RBFOX1: variants seen among roughly 807,000 people sequenced by gnomAD.
RBFOX1 encodes RNA binding protein fox-1 homolog 1.
RBFOX1 carries 8 observed loss-of-function variants against 57.7 expected under a neutral mutation model. The observed-to-expected ratio is 0.14, with a 90% CI of 0.08 to 0.25. The LOEUF (loss-of-function observed/expected upper bound fraction) is 0.25. Ranked by LOEUF, RBFOX1 falls within the 10% of genes least tolerant of loss-of-function variation. The probability of loss-of-function intolerance (pLI) is 1.00; values close to 1 mark genes in which losing one functional copy is unlikely to be tolerated. For synonymous variants in RBFOX1, 326 were observed against 222.4 expected (o/e 1.47, Z -4.15); for missense variants, 611 against 548.5 (o/e 1.11, Z -1.14).
At chr16:5,766,812 C>T (rs1567513815) in intron 3 of RBFOX1, among the ~76,000 whole-genome samples, 1 of 152,122 alleles carries the variant, frequency 6.6e-6, no homozygotes. Flanking sequence ...CCCTCAAGGC[C>T]CTCTGCTCTC....
chr16:6,898,342 A>C (rs2067491934), intron 3 of RBFOX1, among the ~76,000 whole-genome samples: 1 of 152,078 alleles, frequency 6.6e-6, no homozygotes. Context: ...GAGGGGGGTG[A>C]GGAGAGCAGT....
intron 2 of RBFOX1, among the ~76,000 whole-genome samples, chr16:6,499,498 A>T (rs1048164591): frequency 6.6e-6 from 1 of 152,204 alleles, no homozygotes; most frequent in African/African-American, 2.4e-5. Flanking sequence ...TGTAATAAGC[A>T]CAAGTAAAGC....
At chr16:5,240,761 C>G (rs139111331) in intron 1 of RBFOX1, among the ~76,000 whole-genome samples, 3,956 of 152,274 alleles carry the variant, frequency 0.026, 172 homozygotes, top group African/African-American at 0.091. Flanking sequence ...GTCCTGCACA[C>G]GTGGGCCCCT....
intron 3 of RBFOX1, among the ~76,000 whole-genome samples, chr16:6,810,236 T>C (rs1339229648): frequency 6.6e-6 from 1 of 152,146 alleles, no homozygotes; most frequent in African/African-American, 2.4e-5. Context: ...TCCCTCTTTT[T>C]CTTGGAGAAA....
chr16:6,754,196 C>T (rs1031850373), intron 3 of RBFOX1, among the ~76,000 whole-genome samples: 3 of 152,176 alleles, frequency 2.0e-5, no homozygotes, highest in Non-Finnish European at 2.9e-5. Flanking sequence ...CAGGCAGCTA[C>T]AGCTAGGAAA....
At chr16:7,404,249 C>T (rs1024391040) in intron 4 of RBFOX1, among the ~76,000 whole-genome samples, 21 of 151,998 alleles carry the variant, frequency 1.4e-4, no homozygotes, top group Non-Finnish European at 7.4e-5. Context: ...GACGGGGTTT[C>T]ACCATGTTAG....
intron 2 of RBFOX1, among the ~76,000 whole-genome samples, chr16:6,336,299 C>A (rs1359006901): frequency 6.9e-6 from 1 of 144,918 alleles, no homozygotes; most frequent in Non-Finnish European, 1.5e-5. Context: ...CCCAGGTTCA[C>A]GCCATTCTGC....
intron 1 of RBFOX1, among the ~76,000 whole-genome samples, chr16:5,458,842 G>A (rs942972110): frequency 1.3e-5 from 2 of 152,178 alleles, no homozygotes; most frequent in African/African-American, 2.4e-5. Context: ...TGGGTACCAG[G>A]AATGGCCAAC....
At chr16:7,301,538 A>C (rs2096033367) in intron 4 of RBFOX1, among the ~76,000 whole-genome samples, 1 of 152,168 alleles carries the variant, frequency 6.6e-6, no homozygotes, top group African/African-American at 2.4e-5. Context: ...TGGGGAGAAA[A>C]CGGACTGGAA....
intron 2 of RBFOX1, among the ~76,000 whole-genome samples, chr16:6,352,522 T>C (rs367808246): frequency 6.6e-5 from 10 of 152,274 alleles, no homozygotes; most frequent in African/African-American, 2.4e-4. Flanking sequence ...TTTGTTTTTG[T>C]AGCCCAGGGA....
rs138867640 is a variant in RBFOX1, at chr16:6,484,771, C to T, written c.-64+167714C>T. Among the ~76,000 whole-genome samples the T allele has an allele frequency of 2.0e-5, 3 of 152,232 alleles. No homozygotes were observed. The East Asian group carries it at 5.8e-4, about 29-fold the overall frequency. On this transcript the variant is annotated intron_variant, in intron 2 of 15. Coordinates refer to ENST00000550418, the MANE Select transcript of RBFOX1 (RefSeq NM_018723.4). ...TCCAAAAGTTTTGTTGGCAGTGTCA[C>T]CTTAGTAAAACGTTATGAAATTATT...
At chr16:7,489,641 G>A (rs979402106) in intron 4 of RBFOX1, among the ~76,000 whole-genome samples, 2 of 151,786 alleles carry the variant, frequency 1.3e-5, no homozygotes, top group African/African-American at 2.4e-5. Context: ...TCAGTCTCCC[G>A]AGTAGCTGGG....
At chr16:5,873,111 C>G (rs1323316465) in intron 4 of RBFOX1, among the ~76,000 whole-genome samples, 1 of 152,206 alleles carries the variant, frequency 6.6e-6, no homozygotes, top group Admixed American at 6.5e-5. Context: ...TATCATGCCA[C>G]TGCATAGTCC....
chr16:7,406,967 G>C (rs910892437), intron 4 of RBFOX1, among the ~76,000 whole-genome samples: 1 of 152,092 alleles, frequency 6.6e-6, no homozygotes, highest in Non-Finnish European at 1.5e-5. Flanking sequence ...CTGCCTCTGC[G>C]TTTGTATGTC....
chr16:5,934,812 T>A (rs562483629), intron 4 of RBFOX1, among the ~76,000 whole-genome samples: 14 of 152,208 alleles, frequency 9.2e-5, no homozygotes, highest in Non-Finnish European at 1.6e-4. Context: ...ACTCAGACAC[T>A]GATATTCAGT....
At chr16:7,231,885 G>A (rs1010170078) in intron 4 of RBFOX1, among the ~76,000 whole-genome samples, 1 of 152,316 alleles carries the variant, frequency 6.6e-6, no homozygotes, top group African/African-American at 2.4e-5. Flanking sequence ...ATTGGTGGTT[G>A]CTACAGGCTA....
chr16:6,727,479 G>A (rs1174988165), intron 3 of RBFOX1, among the ~76,000 whole-genome samples: 2 of 151,768 alleles, frequency 1.3e-5, no homozygotes, highest in Non-Finnish European at 1.5e-5. Context: ...TGAAGCACAG[G>A]GCAAAAACTG....
At chr16:7,651,400 T>TG (rs1482481861) in intron 11 of RBFOX1, among the ~76,000 whole-genome samples, 1 of 152,218 alleles carries the variant, frequency 6.6e-6, no homozygotes, top group Non-Finnish European at 1.5e-5. Flanking sequence ...GTGTAATTCT[T>TG]GGAGTTCTAA....
chr16:7,008,550 T>G (rs1388783487), intron 3 of RBFOX1, among the ~76,000 whole-genome samples: 1 of 151,854 alleles, frequency 6.6e-6, no homozygotes, highest in South Asian at 2.1e-4. Flanking sequence ...AAAAAAAAAG[T>G]AGAATTCAGT....
Sources: gnomAD v4.1 joint callset for allele counts (sites outside exome capture counted in the v4.1 genomes callset) on GRCh38, gnomAD v4.1.1 for gene constraint, MANE v1.5 for transcripts, NCBI Gene and HGNC (gene_info 2026-07-23, HGNC 2026-07-21) for gene names.